BUD31: variants seen among roughly 807,000 people sequenced by gnomAD.
The protein encoded by BUD31 is protein BUD31 homolog.
BUD31 carries 9 observed loss-of-function variants against 17.9 expected under a neutral mutation model. That is an observed-to-expected ratio of 0.50 (90% CI 0.30 to 0.88). The LOEUF (loss-of-function observed/expected upper bound fraction) is 0.88, where lower values mean the gene tolerates loss of function less well. Ranked by LOEUF, BUD31 falls within the 40% of genes least tolerant of loss-of-function variation. BUD31 has a pLI of 0.06. For synonymous variants in BUD31, 70 were observed against 64.7 expected (o/e 1.08, Z -0.39); for missense variants, 148 against 184.5 (o/e 0.80, Z 1.15).
At chr7:99,416,363 T>C in intron 4 of BUD31, 103 bp downstream of exon 4, 1 of 1,446,892 alleles carries the variant, frequency 6.9e-7, no homozygotes, top group East Asian at 2.3e-5. Context: ...TCATGGTTTT[T>C]CTTACCACGA....
chr7:99,412,250 C>T (rs55638814), intron 3 of BUD31, among the ~76,000 whole-genome samples: 2,773 of 152,190 alleles, frequency 0.018, 84 homozygotes, highest in African/African-American at 0.062. Context: ...GATGTCTTCC[C>T]GAAACAGCTC....
intron 4 of BUD31, 134 bp downstream of exon 4, chr7:99,416,394 T>C: frequency 8.4e-7 from 1 of 1,186,352 alleles, no homozygotes; most frequent in Non-Finnish European, 1.2e-6. Flanking sequence ...GAGCCAACGT[T>C]GGCTGAGTTT....
Position 99,417,577 on chromosome 7 carries a change from CA to C in BUD31, c.370del (p.Ser124AlafsTer72). 1 of 1,612,596 alleles carries C rather than the reference CA, an allele frequency of 6.2e-7. No homozygotes were observed. On this transcript the variant is annotated frameshift_variant, in exon 5 of 6. Coordinates refer to ENST00000222969, the MANE Select transcript of BUD31 (RefSeq NM_003910.4). LOFTEE classifies it high-confidence loss of function. Reference sequence around the variant, plus strand: ...GGACGAACTGCATCTGCCGCGTGCCCAAAAGCAAGCTGGAAGTGGTAATGTC... The same window carrying C: ...GGACGAACTGCATCTGCCGCGTGCCCAAAGCAAGCTGGAAGTGGTAATGTC... ...FGTNCICRVP[K>X]SKLEVGRIIE...
intron 4 of BUD31, 97 bp from the exon 5 acceptor site, chr7:99,417,332 T>C (rs1005046760): frequency 3.4e-5 from 43 of 1,252,258 alleles, no homozygotes; most frequent in Non-Finnish European, 4.7e-5. Context: ...GGATTACAGG[T>C]GTGAGCCACT....
intron 3 of BUD31, chr7:99,415,069 G>C: frequency 2.7e-6 from 1 of 363,742 alleles, no homozygotes; most frequent in South Asian, 2.1e-5. Flanking sequence ...CCACAGGGTC[G>C]GTGGGTTTCT....
In BUD31 at chr7:99,417,838, T is replaced by C. The variant is rs565047726; in HGVS notation, c.384+243T>C. The C allele has an allele frequency of 6.9e-6, 10 of 1,454,176 alleles. No homozygotes were observed. The East Asian group carries it at 2.7e-4, about 39-fold the overall frequency. 90.1% of individuals were successfully genotyped at this position (1,454,176 alleles called of 1,614,324 possible). A position where few individuals can be genotyped will look rare whatever the true frequency, so the allele number is the denominator to read the frequency against. On this transcript the variant is annotated intron_variant, in intron 5 of 5. Transcript: ENST00000222969. ...ACTTTTGGGCAAATTACTGAACCCC[T>C]TTCCTCACTTAGGAAATGGTGGTGG... is the stretch of plus-strand genomic sequence containing the variant.
chr7:99,409,780 T>TGGGGGGGGGGGGGGGGGG (rs1554353400), intron 1 of BUD31, among the ~76,000 whole-genome samples: 6 of 61,162 alleles, frequency 9.8e-5, no homozygotes, highest in African/African-American at 1.9e-4. Context: ...GGGGGGGGGG[T>TGGGGGGGGGGGGGGGGGG]GGGTCTTTGT....
At chr7:99,416,046 G>A in intron 3 of BUD31, 92 bp from the exon 4 acceptor site, 1 of 1,547,810 alleles carries the variant, frequency 6.5e-7, no homozygotes. Context: ...GGTATAAAGT[G>A]GTATTTATTC....
In BUD31 at chr7:99,413,566, G is replaced by A. The variant is rs73397451; in HGVS notation, c.94+2380G>A. Reference sequence around the variant, plus strand: ...ATAGATCTGAAAGCATAGGGACCAAGGTTGGTTTTTTGGCTTTTTTTTGTT... The same window carrying A: ...ATAGATCTGAAAGCATAGGGACCAAAGTTGGTTTTTTGGCTTTTTTTTGTT... On this transcript the variant is annotated intron_variant, in intron 3 of 5. Transcript: ENST00000222969. Among the ~76,000 whole-genome samples, 954 of 152,238 alleles carry A rather than the reference G, an allele frequency of 6.3e-3. 13 individuals carry two copies. Among genetic ancestry groups the A allele is most frequent in the African/African-American group, 0.022 (915 of 41,558 alleles).
chr7:99,409,528 C>T (rs544352672), intron 1 of BUD31, among the ~76,000 whole-genome samples: 3 of 152,070 alleles, frequency 2.0e-5, no homozygotes, highest in Admixed American at 2.0e-4. Context: ...TTCCCTGGGT[C>T]GTAGAAAAGC....
intron 3 of BUD31, among the ~76,000 whole-genome samples, chr7:99,412,760 C>T (rs1211290111): frequency 8.6e-5 from 13 of 151,606 alleles, no homozygotes; most frequent in Non-Finnish European, 1.6e-4. Context: ...TACAGGCGCC[C>T]GCCACCATGC....
rs560766242 is a variant in BUD31, at chr7:99,409,611, G to C, written c.-166+366G>C. Among the ~76,000 whole-genome samples, 10 of 152,234 alleles carry C rather than the reference G, an allele frequency of 6.6e-5. No homozygotes were observed. In the South Asian group the frequency reaches 2.1e-3, roughly 32 times the overall value. On this transcript the variant is annotated intron_variant, in intron 1 of 5. Coordinates refer to ENST00000222969, the MANE Select transcript of BUD31 (RefSeq NM_003910.4). ...TTCACCTATTTTTAGCTTCAGCGTA[G>C]GGGAGACTAGTGCGAAGACCACTGA...
At chr7:99,415,391 A>C (rs999420725) in intron 3 of BUD31, 3 of 406,442 alleles carry the variant, frequency 7.4e-6, no homozygotes, top group Admixed American at 2.9e-5. Context: ...TACTTTCACT[A>C]ATTTGCTATT....
chr7:99,410,351 T>C (rs1795127599), intron 2 of BUD31, among the ~76,000 whole-genome samples, 182 bp downstream of exon 2: 1 of 151,896 alleles, frequency 6.6e-6, no homozygotes, highest in African/African-American at 2.4e-5. Context: ...TCCGTGTAGC[T>C]CAGACCACAG....
chr7:99,411,132 G>A lies in BUD31; in HGVS notation c.40G>A (p.Gly14Ser). ...AAGAAGCCGGAAAGCACCCCCAGATGGCTGGGAGTTGATTGAGCCAACACT... is the reference window on the plus strand; with the variant it reads ...AAGAAGCCGGAAAGCACCCCCAGATAGCTGGGAGTTGATTGAGCCAACACT... ...VKRSRKAPPD[G>S]WELIEPTLDE... Residue 14 changes from glycine (G) to serine (S), a missense_variant, in exon 3 of 6, where the codon GGC (glycine) becomes AGC (serine). Physicochemically the swap from Gly to Ser is moderately conservative, Grantham distance 56. Transcript: ENST00000222969. 1.2e-6 allele frequency: 2 copies of A among 1,614,188 alleles called. No individual in the cohort carries two copies. The highest frequency in any genetic ancestry group is 1.1e-5 in the South Asian group (1 of 91,066).
At chr7:99,413,947 C>G (rs1200534802) in intron 3 of BUD31, among the ~76,000 whole-genome samples, 2 of 152,136 alleles carry the variant, frequency 1.3e-5, no homozygotes, top group Admixed American at 1.3e-4. Context: ...TCTATGTTTT[C>G]TAATTCTGTA....
chr7:99,410,979 A>G (rs1019064276), intron 2 of BUD31, 85 bp from the exon 3 acceptor site: 1 of 835,572 alleles, frequency 1.2e-6, no homozygotes. Context: ...TGCTGACTCA[A>G]GGAAGTCAGC....
At chr7:99,409,323 A>G (rs1370808390) in intron 1 of BUD31, 78 bp downstream of exon 1, 2 of 152,202 alleles carry the variant, frequency 1.3e-5, no homozygotes, top group South Asian at 2.1e-4. Flanking sequence ...TTTCCCTACA[A>G]TCCTGCACTA....
intron 4 of BUD31, chr7:99,416,919 G>A (rs992606320): frequency 6.2e-6 from 1 of 162,364 alleles, no homozygotes; most frequent in Admixed American, 5.8e-5. Context: ...TGGGCCCTTG[G>A]CCCAGGCTGG....
Sources: gnomAD v4.1 joint callset for allele counts (sites outside exome capture counted in the v4.1 genomes callset) on GRCh38, gnomAD v4.1.1 for gene constraint, MANE v1.5 for transcripts, NCBI Gene and HGNC (gene_info 2026-07-23, HGNC 2026-07-21) for gene names.